Variants in HOXC5 observed in about 807,000 individuals in gnomAD.
HOXC5 encodes homeobox C5.
HOXC5 carries 19 observed loss-of-function variants against 20.1 expected under a neutral mutation model. The observed-to-expected ratio is 0.94, with a 90% confidence interval of 0.66 to 1.38. The LOEUF (loss-of-function observed/expected upper bound fraction) is 1.38, where lower values mean the gene tolerates loss of function less well. Among genes scored for constraint, HOXC5 ranks in the 40% most tolerant of loss-of-function variants. The probability of loss-of-function intolerance (pLI) is 0.00; values close to 1 mark genes in which losing one functional copy is unlikely to be tolerated. For missense variants in HOXC5, 330 were observed against 300.1 expected, an observed-to-expected ratio of 1.10 and a Z score of -0.74; for synonymous variants, 124 against 117.0, an observed-to-expected ratio of 1.06 and a Z score of -0.39.
chr12:54,028,680 C>A, upstream of HOXC5: 1 of 1,614,144 alleles, frequency 6.2e-7, no homozygotes, highest in Non-Finnish European at 8.5e-7. Flanking sequence ...ACTCGACTCC[C>A]TTTTATTCGC....
chr12:54,031,687 C>T (rs10747689), upstream of HOXC5, among the ~76,000 whole-genome samples: 44,761 of 152,050 alleles, frequency 0.29, 7,543 homozygotes, highest in East Asian at 0.44. Context: ...CCCTCCAGCG[C>T]CCCCACCCTC....
At chr12:54,032,925 C>CA (rs1941041993), upstream of HOXC5, 2 of 541,884 alleles carry the variant, frequency 3.7e-6, no homozygotes, top group African/African-American at 3.8e-5. Flanking sequence ...GTCATCAAGC[C>CA]AAATTTATGA....
At chr12:54,029,882 G>A, upstream of HOXC5, 1 of 1,611,824 alleles carries the variant, frequency 6.2e-7, no homozygotes, top group South Asian at 1.1e-5. Context: ...CTCGGGGGGC[G>A]GCGGAGGGGC....
upstream of HOXC5, among the ~76,000 whole-genome samples, chr12:54,031,248 C>CG (rs1011538897): frequency 8.5e-5 from 13 of 152,294 alleles, no homozygotes; most frequent in South Asian, 6.2e-4. Flanking sequence ...GAGTTGGAGG[C>CG]GGGGGGCGCC....
At chr12:54,029,608 G>A, upstream of HOXC5, 1 of 1,578,016 alleles carries the variant, frequency 6.3e-7, no homozygotes, top group Non-Finnish European at 8.6e-7. Flanking sequence ...GTCTGCAGAG[G>A]ACGCTTTGCT....
In HOXC5 at chr12:54,034,418, A is replaced by G; in HGVS notation, c.595A>G (p.Ile199Val). ...CAACTTGTGTCTCAATGAGAGACAG[A>G]TCAAGATCTGGTTCCAGAACCGCAG... is the stretch of plus-strand genomic sequence containing the variant. Reference protein sequence around the residue: ...ANNLCLNERQIKIWFQNRRMK... With the variant: ...ANNLCLNERQVKIWFQNRRMK... Residue 199 changes from isoleucine to valine, a missense_variant, in exon 2 of 2, where the codon ATC becomes GTC. Physicochemically the swap from Ile to Val is conservative, Grantham distance 29. Transcript: ENST00000312492. 6.2e-7 allele frequency: 1 copy of G among 1,614,250 alleles called. No homozygotes were observed. Among genetic ancestry groups the G allele is most frequent in the Non-Finnish European group, 8.5e-7 (1 of 1,180,014 alleles).
the HOXC5 span, among the ~76,000 whole-genome samples, chr12:54,017,724 G>T: frequency 6.6e-6 from 1 of 152,158 alleles, no homozygotes; most frequent in African/African-American, 2.4e-5. Flanking sequence ...GCTGCCCACT[G>T]TGTCAGTACC....
chr12:54,023,469 C>A, the HOXC5 span, among the ~76,000 whole-genome samples: 1 of 152,182 alleles, frequency 6.6e-6, no homozygotes, highest in African/African-American at 2.4e-5. Context: ...ATATACCTTT[C>A]TTCTCCGTTT....
chr12:54,030,984 C>T (rs1423650198), upstream of HOXC5, among the ~76,000 whole-genome samples: 1 of 152,222 alleles, frequency 6.6e-6, no homozygotes, highest in Non-Finnish European at 1.5e-5. Context: ...TGTTCGTTCT[C>T]GCGATCGCAC....
upstream of HOXC5, among the ~76,000 whole-genome samples, chr12:54,031,973 G>A (rs921238502): frequency 1.3e-5 from 2 of 152,182 alleles, no homozygotes; most frequent in African/African-American, 4.8e-5. Context: ...TCCCCAAAGG[G>A]CACATAACGG....
At chr12:54,031,949 G>A (rs1388817880), upstream of HOXC5, among the ~76,000 whole-genome samples, 1 of 152,164 alleles carries the variant, frequency 6.6e-6, no homozygotes, top group African/African-American at 2.4e-5. Flanking sequence ...GGAAAGCCTA[G>A]CCCAGAGACC....
chr12:54,029,022 A>G, upstream of HOXC5: 2 of 1,145,822 alleles, frequency 1.7e-6, no homozygotes, highest in South Asian at 1.5e-5. Context: ...ATGGCCCCAT[A>G]AAAACAATCA....
the HOXC5 span, chr12:54,020,050 C>T: frequency 6.6e-6 from 1 of 152,360 alleles, no homozygotes; most frequent in East Asian, 1.9e-4. Flanking sequence ...GATTTTCTTT[C>T]CCTTCTCCTT....
At chr12:54,022,457 AG>A in the HOXC5 span, 1 of 152,152 alleles carries the variant, frequency 6.6e-6, no homozygotes, top group African/African-American at 2.4e-5. Context: ...AATTTAAAAG[AG>A]TATCATTGAA....
chr12:54,024,168 C>A, the HOXC5 span, among the ~76,000 whole-genome samples: 1 of 152,206 alleles, frequency 6.6e-6, no homozygotes, highest in Non-Finnish European at 1.5e-5. Context: ...GGGATTTTAG[C>A]CCTCGCCCAG....
chr12:54,019,002 T>C, the HOXC5 span, among the ~76,000 whole-genome samples: 9 of 152,268 alleles, frequency 5.9e-5, no homozygotes, highest in Admixed American at 4.6e-4. Flanking sequence ...AAATACAGTT[T>C]GCATTCAGAT....
the HOXC5 span, chr12:54,022,091 C>T: frequency 6.6e-6 from 1 of 152,300 alleles, no homozygotes; most frequent in African/African-American, 2.4e-5. Context: ...CTTGCCTAGG[C>T]TTTTCTTCCT....
At chr12:54,017,591 A>G in the HOXC5 span, among the ~76,000 whole-genome samples, 22 of 150,662 alleles carry the variant, frequency 1.5e-4, no homozygotes, top group East Asian at 3.9e-4. Flanking sequence ...AAACTGGAAT[A>G]CCGGTAACTG....
At chr12:54,029,896 C>T (rs750024894), upstream of HOXC5, 3 of 1,601,476 alleles carry the variant, frequency 1.9e-6, no homozygotes, top group African/African-American at 4.2e-5. Context: ...GAGGGGCCAC[C>T]GCCGACAGCC....
Sources: gnomAD v4.1 joint callset for allele counts (sites outside exome capture counted in the v4.1 genomes callset) on GRCh38, gnomAD v4.1.1 for gene constraint, MANE v1.5 for transcripts, NCBI Gene and HGNC (gene_info 2026-07-23, HGNC 2026-07-21) for gene names.